CERS6: variants seen among roughly 807,000 people sequenced by gnomAD.
CERS6 encodes the protein LAG1 homolog, ceramide synthase 6.
A neutral mutation model predicts 56.8 loss-of-function variants in CERS6; 26 were observed. The ratio of observed to expected loss-of-function variants is 0.46; its 90% confidence interval spans 0.34 to 0.63. The LOEUF (loss-of-function observed/expected upper bound fraction) is 0.63. Among genes scored for constraint, CERS6 ranks in the 30% least tolerant of loss-of-function variants. The pLI, the probability that CERS6 is intolerant of heterozygous loss-of-function variation, is 0.01. For missense variants in CERS6, 415 were observed against 467.5 expected (o/e 0.89, Z 1.04); for synonymous variants, 164 against 173.3 (o/e 0.95, Z 0.42).
chr2:168,631,473 T>A (rs4668080), intron 4 of CERS6, among the ~76,000 whole-genome samples: 6 of 117,166 alleles, frequency 5.1e-5, no homozygotes, highest in South Asian at 2.3e-4. Context: ...ATATAATATA[T>A]AATATATAAT....
chr2:168,745,443 G>A (rs1418385636), intron 8 of CERS6, among the ~76,000 whole-genome samples: 5 of 151,966 alleles, frequency 3.3e-5, no homozygotes, highest in African/African-American at 4.8e-5. Context: ...GGGTTTCACC[G>A]TGTTAGCCAG....
At chr2:168,673,973 A>G (rs1685988041) in intron 4 of CERS6, among the ~76,000 whole-genome samples, 1 of 152,184 alleles carries the variant, frequency 6.6e-6, no homozygotes, top group Non-Finnish European at 1.5e-5. Flanking sequence ...GATGACTAGG[A>G]GTTTCTCCTA....
intron 8 of CERS6, among the ~76,000 whole-genome samples, chr2:168,751,170 A>C (rs982629192): frequency 6.6e-6 from 1 of 152,242 alleles, no homozygotes; most frequent in African/African-American, 2.4e-5. Context: ...TCAGGTTAAA[A>C]GAATCTGCAG....
At chr2:168,576,080 C>G (rs949416463) in intron 3 of CERS6, among the ~76,000 whole-genome samples, 1 of 152,064 alleles carries the variant, frequency 6.6e-6, no homozygotes, top group African/African-American at 2.4e-5. Context: ...TCCTGGTTGT[C>G]TCCATCATCC....
At chr2:168,513,154 C>G (rs1028405809) in intron 1 of CERS6, among the ~76,000 whole-genome samples, 5 of 152,018 alleles carry the variant, frequency 3.3e-5, no homozygotes, top group Admixed American at 6.6e-5. Flanking sequence ...TTTAGAAAAC[C>G]TTTAGTTTTA....
intron 1 of CERS6, among the ~76,000 whole-genome samples, chr2:168,521,139 T>A (rs1183563832): frequency 6.6e-6 from 1 of 152,160 alleles, no homozygotes; most frequent in Non-Finnish European, 1.5e-5. Flanking sequence ...CTGATAGAAT[T>A]TGAGACTGAC....
chr2:168,714,144 TG>T (rs1687168352), intron 6 of CERS6, among the ~76,000 whole-genome samples: 1 of 152,228 alleles, frequency 6.6e-6, no homozygotes, highest in Non-Finnish European at 1.5e-5. Flanking sequence ...AGCAGTTCTC[TG>T]GGGTCCCTTT....
chr2:168,512,783 T>G (rs2105351435), intron 1 of CERS6, among the ~76,000 whole-genome samples: 1 of 152,104 alleles, frequency 6.6e-6, no homozygotes, highest in African/African-American at 2.4e-5. Flanking sequence ...TTCTCCTGCT[T>G]CAGCCTCCAG....
intron 1 of CERS6, among the ~76,000 whole-genome samples, chr2:168,521,431 G>T (rs769779551): frequency 6.6e-6 from 1 of 152,136 alleles, no homozygotes; most frequent in African/African-American, 2.4e-5. Context: ...GATTTGTCAT[G>T]AAGATTCCAT....
At chr2:168,522,474 TAGTA>T (rs1295008954) in intron 1 of CERS6, among the ~76,000 whole-genome samples, 1 of 152,196 alleles carries the variant, frequency 6.6e-6, no homozygotes, top group Non-Finnish European at 1.5e-5. Flanking sequence ...ATAATTTAGT[TAGTA>T]AGCTAAAAGT....
At chr2:168,677,018 A>ATT (rs1170404222) in intron 4 of CERS6, among the ~76,000 whole-genome samples, 2 of 93,180 alleles carry the variant, frequency 2.1e-5, no homozygotes, top group African/African-American at 4.1e-5. Flanking sequence ...TTTTTTGGAG[A>ATT]TTTTTTTTTT....
intron 4 of CERS6, among the ~76,000 whole-genome samples, chr2:168,680,136 A>G (rs936545842): frequency 6.6e-6 from 1 of 152,234 alleles, no homozygotes; most frequent in Non-Finnish European, 1.5e-5. Context: ...AGATTGGGCA[A>G]GAGGCAGAAA....
intron 4 of CERS6, among the ~76,000 whole-genome samples, chr2:168,657,748 A>AGCCCAC (rs1685525139): frequency 1.3e-5 from 2 of 152,228 alleles, no homozygotes; most frequent in African/African-American, 2.4e-5. Context: ...GGGCCCACCA[A>AGCCCAC]GCCCACGCCC....
intron 2 of CERS6, among the ~76,000 whole-genome samples, chr2:168,556,710 G>A (rs983943051): frequency 6.6e-6 from 1 of 152,042 alleles, no homozygotes; most frequent in Admixed American, 6.5e-5. Context: ...TGTTTGTGGA[G>A]CCTACATTTC....
intron 1 of CERS6, among the ~76,000 whole-genome samples, chr2:168,545,987 T>C (rs1171098493): frequency 1.3e-5 from 2 of 152,206 alleles, no homozygotes; most frequent in Non-Finnish European, 2.9e-5. Context: ...AAATGCATTT[T>C]GTGGTCTTAC....
intron 1 of CERS6, among the ~76,000 whole-genome samples, chr2:168,469,447 G>A (rs1008123993): frequency 6.6e-6 from 1 of 152,088 alleles, no homozygotes; most frequent in African/African-American, 2.4e-5. Flanking sequence ...GCTGTATAAC[G>A]ACAAATTACC....
At chr2:168,622,019 T>C (rs1348422556) in intron 3 of CERS6, among the ~76,000 whole-genome samples, 1 of 152,242 alleles carries the variant, frequency 6.6e-6, no homozygotes. Context: ...ACAGAATCTT[T>C]TAATAATGAA....
chr2:168,587,468 G>A (rs767476959), intron 3 of CERS6, among the ~76,000 whole-genome samples: 11 of 152,156 alleles, frequency 7.2e-5, no homozygotes, highest in South Asian at 6.2e-4. Context: ...GAAAATAAGC[G>A]CAGAGCAGTG....
chr2:168,595,613 C>G (rs1266744011), intron 3 of CERS6, among the ~76,000 whole-genome samples: 4 of 152,140 alleles, frequency 2.6e-5, no homozygotes, highest in Non-Finnish European at 4.4e-5. Flanking sequence ...AAATTTAAGG[C>G]TGATGGTACT....
Sources: gnomAD v4.1 joint callset for allele counts (sites outside exome capture counted in the v4.1 genomes callset) on GRCh38, gnomAD v4.1.1 for gene constraint, MANE v1.5 for transcripts, NCBI Gene and HGNC (gene_info 2026-07-23, HGNC 2026-07-21) for gene names.